Variants in VTI1A observed in about 807,000 individuals in gnomAD.
VTI1A encodes vesicle transport through interaction with t-SNAREs homolog 1A.
Under a neutral mutation model 34.9 loss-of-function variants are expected in VTI1A, and 22 were observed. That is an observed-to-expected ratio of 0.63 (90% CI 0.45 to 0.90). VTI1A has a LOEUF of 0.90. Ranked by LOEUF, VTI1A falls within the 40% of genes least tolerant of loss-of-function variation. The pLI is 0.00. For missense variants in VTI1A, 268 were observed against 275.6 expected, an observed-to-expected ratio of 0.97 and a Z score of 0.20; for synonymous variants, 87 against 97.3, an observed-to-expected ratio of 0.89 and a Z score of 0.62.
intron 5 of VTI1A, among the ~76,000 whole-genome samples, chr10:112,653,722 G>A (rs1210717915): frequency 6.6e-6 from 1 of 152,188 alleles, no homozygotes; most frequent in African/African-American, 2.4e-5. Context: ...CTGGAGGGGA[G>A]CATTCATTGC....
chr10:112,671,003 A>G (rs1847825949), intron 7 of VTI1A, among the ~76,000 whole-genome samples: 1 of 152,216 alleles, frequency 6.6e-6, no homozygotes, highest in South Asian at 2.1e-4. Context: ...GACCAAATGC[A>G]GTGGTTTTAG....
intron 4 of VTI1A, among the ~76,000 whole-genome samples, chr10:112,536,705 C>T (rs930745974): frequency 7.9e-5 from 12 of 151,802 alleles, no homozygotes; most frequent in African/African-American, 2.9e-4. Context: ...ACATCAGGTC[C>T]TATCTCTCTG....
At chr10:112,601,021 A>G (rs1844854666) in intron 5 of VTI1A, among the ~76,000 whole-genome samples, 2 of 152,208 alleles carry the variant, frequency 1.3e-5, no homozygotes, top group Admixed American at 1.3e-4. Flanking sequence ...TGTAAGTTGT[A>G]GTAGACTCTG....
At chr10:112,696,704 T>C (rs924597387) in intron 7 of VTI1A, among the ~76,000 whole-genome samples, 5 of 152,176 alleles carry the variant, frequency 3.3e-5, no homozygotes, top group African/African-American at 1.2e-4. Context: ...GAAGAAAAAA[T>C]AATCACCATC....
chr10:112,715,058 C>T (rs897947930), intron 7 of VTI1A, among the ~76,000 whole-genome samples: 1 of 152,116 alleles, frequency 6.6e-6, no homozygotes, highest in Admixed American at 6.5e-5. Context: ...AGGGTTAAAC[C>T]ACAGGCTTAT....
chr10:112,538,200 T>C (rs775515227), intron 4 of VTI1A, 46 bp from the exon 5 acceptor site: 6 of 1,546,178 alleles, frequency 3.9e-6, no homozygotes, highest in African/African-American at 1.4e-5. Flanking sequence ...AAAAAGAACA[T>C]TGTAGACGGC....
At chr10:112,457,542 A>G (rs1208169456) in intron 1 of VTI1A, among the ~76,000 whole-genome samples, 1 of 152,212 alleles carries the variant, frequency 6.6e-6, no homozygotes, top group Admixed American at 6.5e-5. Flanking sequence ...CAAAGAAGTG[A>G]TGATTTCTGA....
chr10:112,616,344 A>G (rs1052084459), intron 5 of VTI1A, among the ~76,000 whole-genome samples: 1 of 152,170 alleles, frequency 6.6e-6, no homozygotes, highest in African/African-American at 2.4e-5. Flanking sequence ...CTCACACACA[A>G]TGGGATAGCT....
chr10:112,531,115 G>GCA (rs1491494693), intron 4 of VTI1A, among the ~76,000 whole-genome samples: 6 of 124,322 alleles, frequency 4.8e-5, no homozygotes, highest in African/African-American at 7.5e-5. Context: ...GTGCGCACGT[G>GCA]CGCGCGCGCG....
At chr10:112,771,112 A>G (rs1851803776) in intron 7 of VTI1A, among the ~76,000 whole-genome samples, 2 of 152,214 alleles carry the variant, frequency 1.3e-5, no homozygotes, top group Admixed American at 1.3e-4. Context: ...CAAGGTTCAC[A>G]TATGCCCAGA....
chr10:112,613,797 C>T (rs1845408138), intron 5 of VTI1A, among the ~76,000 whole-genome samples: 1 of 152,196 alleles, frequency 6.6e-6, no homozygotes. Flanking sequence ...CCAGGGCAAG[C>T]CCTGCTGCCG....
At chr10:112,633,441 A>G (rs956231749) in intron 5 of VTI1A, among the ~76,000 whole-genome samples, 1 of 152,154 alleles carries the variant, frequency 6.6e-6, no homozygotes, top group Admixed American at 6.6e-5. Context: ...ATAATGGAAA[A>G]GTTGTGGTCC....
At chr10:112,836,549 C>T in the VTI1A span, among the ~76,000 whole-genome samples, 8 of 152,294 alleles carry the variant, frequency 5.3e-5, no homozygotes, top group Admixed American at 3.9e-4. Context: ...AATTTCCCTC[C>T]GTTTTCTCTT....
chr10:112,717,038 C>T (rs1564897156), intron 7 of VTI1A, among the ~76,000 whole-genome samples: 1 of 152,188 alleles, frequency 6.6e-6, no homozygotes. Context: ...GTAAACGCAG[C>T]TTCGTAACAA....
the VTI1A span, among the ~76,000 whole-genome samples, chr10:112,845,433 C>G: frequency 3.3e-5 from 5 of 152,170 alleles, no homozygotes; most frequent in Admixed American, 3.3e-4. Context: ...CTCTGGTTCC[C>G]GAATTCCCCC....
intron 3 of VTI1A, among the ~76,000 whole-genome samples, chr10:112,493,551 A>G (rs1242537117): frequency 1.3e-5 from 2 of 152,066 alleles, no homozygotes; most frequent in Non-Finnish European, 2.9e-5. Flanking sequence ...CTTTCATCCA[A>G]TTTTAGGGGG....
At chr10:112,536,105 A>G (rs1850605448) in intron 4 of VTI1A, among the ~76,000 whole-genome samples, 1 of 152,210 alleles carries the variant, frequency 6.6e-6, no homozygotes, top group Non-Finnish European at 1.5e-5. Flanking sequence ...TATTTCCTAC[A>G]TTAAATATTA....
chr10:112,777,749 G>A (rs1288764443), intron 7 of VTI1A, among the ~76,000 whole-genome samples: 2 of 152,190 alleles, frequency 1.3e-5, no homozygotes, highest in African/African-American at 2.4e-5. Context: ...AGGAAGTGCT[G>A]CAGTGAAACT....
intron 7 of VTI1A, among the ~76,000 whole-genome samples, chr10:112,734,044 G>T (rs1850368530): frequency 6.6e-6 from 1 of 152,090 alleles, no homozygotes; most frequent in Admixed American, 6.5e-5. Flanking sequence ...GAGCCACCGT[G>T]CCTGGCCTTC....
Sources: allele counts gnomAD v4.1 joint callset (sites outside exome capture counted in the v4.1 genomes callset), GRCh38; gene constraint gnomAD v4.1.1; transcripts MANE v1.5; gene names NCBI Gene and HGNC (gene_info 2026-07-23, HGNC 2026-07-21).